PRELID2: variants seen among roughly 807,000 people sequenced by gnomAD.
PRELID2 encodes the protein PRELI domain containing 2.
A neutral mutation model predicts 28.4 loss-of-function variants in PRELID2; 25 were observed. That is an observed-to-expected ratio of 0.88 (90% CI 0.64 to 1.23). The LOEUF (loss-of-function observed/expected upper bound fraction) is 1.23, where lower values mean the gene tolerates loss of function less well. PRELID2 is among the 50% of genes most tolerant of loss of function. The probability of loss-of-function intolerance (pLI) is 0.00; values close to 1 mark genes in which losing one functional copy is unlikely to be tolerated. For missense variants in PRELID2, 201 were observed against 214.4 expected (o/e 0.94, Z 0.39); for synonymous variants, 76 against 71.6 (o/e 1.06, Z -0.31).
the PRELID2 span, among the ~76,000 whole-genome samples, chr5:145,267,117 C>G: frequency 6.6e-6 from 1 of 152,020 alleles, no homozygotes; most frequent in Non-Finnish European, 1.5e-5. Context: ...CAATTCAAGT[C>G]CCAAAACTGA....
chr5:145,298,669 A>C, the PRELID2 span, among the ~76,000 whole-genome samples: 1 of 152,096 alleles, frequency 6.6e-6, no homozygotes, highest in African/African-American at 2.4e-5. Context: ...AAATGCCGGT[A>C]CGTGTCAAGA....
chr5:145,397,422 G>T, the PRELID2 span, among the ~76,000 whole-genome samples: 5 of 152,214 alleles, frequency 3.3e-5, no homozygotes, highest in African/African-American at 1.2e-4. Context: ...GGGACCAGAA[G>T]AAATAAGTTA....
intron 1 of PRELID2, among the ~76,000 whole-genome samples, chr5:145,590,765 A>T (rs1753215300): frequency 6.6e-6 from 1 of 152,054 alleles, no homozygotes; most frequent in Non-Finnish European, 1.5e-5. Context: ...TCTGTCTCAC[A>T]TATACTCCAT....
At chr5:145,391,097 T>A in the PRELID2 span, among the ~76,000 whole-genome samples, 1 of 152,048 alleles carries the variant, frequency 6.6e-6, no homozygotes, top group South Asian at 2.1e-4. Flanking sequence ...TGATGTTGAG[T>A]GTCTGTGGCT....
At chr5:145,814,988 G>C (rs1254263208) in intron 4 of PRELID2, among the ~76,000 whole-genome samples, 1 of 152,242 alleles carries the variant, frequency 6.6e-6, no homozygotes, top group Non-Finnish European at 1.5e-5. Context: ...ACGACTGCAT[G>C]TCGGTGCCCT....
the PRELID2 span, among the ~76,000 whole-genome samples, chr5:145,310,255 A>G: frequency 6.6e-6 from 1 of 152,198 alleles, no homozygotes; most frequent in Admixed American, 6.5e-5. Context: ...ACAGTTTTAA[A>G]TTAGCTTCCT....
At chr5:145,475,032 G>A (rs1243413173) in intron 1 of PRELID2, among the ~76,000 whole-genome samples, 1 of 152,120 alleles carries the variant, frequency 6.6e-6, no homozygotes, top group Non-Finnish European at 1.5e-5. Context: ...ACTATTCTCT[G>A]GGTTCCTCCA....
chr5:145,642,319 A>G (rs1053870486), intron 1 of PRELID2, among the ~76,000 whole-genome samples: 10 of 152,198 alleles, frequency 6.6e-5, no homozygotes, highest in African/African-American at 1.9e-4. Context: ...TCTTCTTTAG[A>G]GAAGTGTCTG....
intron 1 of PRELID2, among the ~76,000 whole-genome samples, chr5:145,625,743 T>C (rs1753836441): frequency 1.3e-5 from 2 of 152,144 alleles, no homozygotes; most frequent in Admixed American, 1.3e-4. Flanking sequence ...TGGAAAACTG[T>C]GGTTACTGAA....
chr5:145,544,963 A>G (rs1331075140), intron 1 of PRELID2, among the ~76,000 whole-genome samples: 1 of 152,076 alleles, frequency 6.6e-6, no homozygotes, highest in Non-Finnish European at 1.5e-5. Flanking sequence ...TGTTCATGTC[A>G]AGTCGAATTT....
intron 1 of PRELID2, among the ~76,000 whole-genome samples, chr5:145,664,364 T>C (rs759959781): frequency 4.1e-4 from 62 of 152,254 alleles, no homozygotes; most frequent in Non-Finnish European, 7.4e-4. Context: ...AACAAGACTA[T>C]ACTAAGAAGC....
chr5:145,339,989 T>C, the PRELID2 span, among the ~76,000 whole-genome samples: 3 of 152,014 alleles, frequency 2.0e-5, no homozygotes, highest in Non-Finnish European at 4.4e-5. Flanking sequence ...TCACTCTCCA[T>C]GACTACCTGC....
At chr5:145,424,596 C>T in the PRELID2 span, among the ~76,000 whole-genome samples, 5 of 152,122 alleles carry the variant, frequency 3.3e-5, no homozygotes, top group African/African-American at 7.2e-5. Context: ...TGCTTCGGCT[C>T]GCGCACGGTG....
the PRELID2 span, among the ~76,000 whole-genome samples, chr5:145,283,335 C>G: frequency 1.3e-5 from 2 of 151,954 alleles, no homozygotes; most frequent in Admixed American, 1.3e-4. Flanking sequence ...GATTGTCAAG[C>G]CAAAACATAG....
At chr5:145,391,319 A>C in the PRELID2 span, among the ~76,000 whole-genome samples, 2 of 152,202 alleles carry the variant, frequency 1.3e-5, no homozygotes. Context: ...CCACAAGCTG[A>C]ATATAACATG....
At chr5:145,422,580 T>G in the PRELID2 span, among the ~76,000 whole-genome samples, 1 of 152,152 alleles carries the variant, frequency 6.6e-6, no homozygotes, top group Non-Finnish European at 1.5e-5. Context: ...TTGTTTTCCA[T>G]TGGCTTGGTA....
chr5:145,264,792 G>C, the PRELID2 span, among the ~76,000 whole-genome samples: 1 of 151,870 alleles, frequency 6.6e-6, no homozygotes, highest in Non-Finnish European at 1.5e-5. Context: ...TAGCCAACAT[G>C]GTGAAACACC....
At chr5:145,246,939 C>A in the PRELID2 span, among the ~76,000 whole-genome samples, 35 of 152,156 alleles carry the variant, frequency 2.3e-4, no homozygotes, top group Non-Finnish European at 3.7e-4. Flanking sequence ...TCTGCCTTTG[C>A]AGGACTAACA....
the PRELID2 span, among the ~76,000 whole-genome samples, chr5:145,280,214 G>A: frequency 3.9e-5 from 6 of 152,244 alleles, no homozygotes; most frequent in Admixed American, 3.9e-4. Context: ...GAAAATTTGA[G>A]GGGGTGGGAA....
Sources: allele counts gnomAD v4.1 joint callset (sites outside exome capture counted in the v4.1 genomes callset), GRCh38; gene constraint gnomAD v4.1.1; transcripts MANE v1.5; gene names NCBI Gene and HGNC (gene_info 2026-07-23, HGNC 2026-07-21).